STPG2: variants seen among roughly 807,000 people sequenced by gnomAD.
STPG2 encodes the protein sperm-tail PG-rich repeat-containing protein 2.
A neutral mutation model predicts 54.2 loss-of-function variants in STPG2; 56 were observed. The observed-to-expected ratio is 1.03, with a 90% CI of 0.83 to 1.29. The LOEUF is 1.29. Among genes scored for constraint, STPG2 ranks in the 50% most tolerant of loss-of-function variants. The pLI is 0.00. For synonymous variants in STPG2, 200 were observed against 181.8 expected (o/e 1.10, Z -0.81); for missense variants, 596 against 544.9 (o/e 1.09, Z -0.93).
intron 5 of STPG2, among the ~76,000 whole-genome samples, chr4:98,019,483 T>A (rs1459928796): frequency 1.3e-5 from 2 of 152,022 alleles, no homozygotes; most frequent in African/African-American, 4.8e-5. Context: ...TGGCTTAGGA[T>A]TGACTTGGCG....
chr4:97,896,799 GAT>G (rs1206214251), intron 8 of STPG2, among the ~76,000 whole-genome samples: 3 of 151,700 alleles, frequency 2.0e-5, no homozygotes, highest in Non-Finnish European at 4.4e-5. Context: ...TACAAAAAAA[GAT>G]ATTTTCACAG....
At chr4:97,736,872 G>A (rs904922211) in intron 9 of STPG2, among the ~76,000 whole-genome samples, 9 of 152,020 alleles carry the variant, frequency 5.9e-5, no homozygotes, top group East Asian at 1.9e-4. Flanking sequence ...CTCCCAGCAC[G>A]CAGATGGAGA....
At chr4:97,576,278 A>G (rs1732720902) in intron 10 of STPG2, among the ~76,000 whole-genome samples, 3 of 146,004 alleles carry the variant, frequency 2.1e-5, no homozygotes, top group Admixed American at 6.8e-5. Flanking sequence ...TATATATGGA[A>G]TGAAAAAAAA....
chr4:97,462,362 A>G (rs1049234126), intron 4 of STPG2, among the ~76,000 whole-genome samples: 20 of 152,064 alleles, frequency 1.3e-4, no homozygotes, highest in African/African-American at 4.3e-4. Context: ...TTTCTTATTC[A>G]TAATTGCTCT....
At chr4:97,499,381 T>C (rs1225240236) in intron 4 of STPG2, among the ~76,000 whole-genome samples, 3 of 152,022 alleles carry the variant, frequency 2.0e-5, no homozygotes, top group African/African-American at 7.2e-5. Context: ...CCATTCTTAA[T>C]TGGAAAACTA....
At chr4:97,847,324 T>C (rs1012887149) in intron 8 of STPG2, among the ~76,000 whole-genome samples, 1 of 152,174 alleles carries the variant, frequency 6.6e-6, no homozygotes, top group Non-Finnish European at 1.5e-5. Flanking sequence ...ATTGTAAACA[T>C]ATGCCTCGTA....
intron 10 of STPG2, among the ~76,000 whole-genome samples, chr4:97,565,982 T>C (rs549381200): frequency 6.6e-6 from 1 of 152,316 alleles, no homozygotes; most frequent in Non-Finnish European, 1.5e-5. Flanking sequence ...GACAGGGACA[T>C]TTAAGTCTGC....
At chr4:97,565,336 G>A (rs562274761) in intron 10 of STPG2, among the ~76,000 whole-genome samples, 35 of 152,032 alleles carry the variant, frequency 2.3e-4, no homozygotes, top group South Asian at 4.2e-4. Context: ...TACATTCATC[G>A]AAATTTTTTT....
intron 10 of STPG2, among the ~76,000 whole-genome samples, chr4:97,610,486 T>C (rs1424965658): frequency 6.6e-6 from 1 of 151,904 alleles, no homozygotes; most frequent in Non-Finnish European, 1.5e-5. Flanking sequence ...AACAAATTAC[T>C]AGAAAGAAGC....
chr4:97,848,918 T>A (rs1235698469), intron 8 of STPG2, among the ~76,000 whole-genome samples: 1 of 150,564 alleles, frequency 6.6e-6, no homozygotes, highest in Non-Finnish European at 1.5e-5. Context: ...TAGTATAGCT[T>A]GAAGTCAGGT....
chr4:97,803,520 C>A (rs187413047), intron 9 of STPG2, among the ~76,000 whole-genome samples: 1 of 152,174 alleles, frequency 6.6e-6, no homozygotes, highest in East Asian at 1.9e-4. Flanking sequence ...AATGGCTTTG[C>A]CATCTTCTAC....
chr4:97,726,233 G>T (rs1056196528), intron 9 of STPG2, among the ~76,000 whole-genome samples: 1 of 151,998 alleles, frequency 6.6e-6, no homozygotes, highest in African/African-American at 2.4e-5. Flanking sequence ...ACTCATATGA[G>T]GTGGCTAAAG....
intron 8 of STPG2, among the ~76,000 whole-genome samples, chr4:97,919,730 A>G (rs1301260860): frequency 6.6e-6 from 1 of 152,196 alleles, no homozygotes; most frequent in Non-Finnish European, 1.5e-5. Context: ...TCTTATAAAT[A>G]TTTAAGAAAG....
chr4:97,720,985 C>A (rs1039275544), intron 9 of STPG2, among the ~76,000 whole-genome samples: 1 of 151,826 alleles, frequency 6.6e-6, no homozygotes, highest in African/African-American at 2.4e-5. Flanking sequence ...CAATCTTCTC[C>A]CTCATATTTT....
At chr4:97,667,025 C>T (rs1262488160) in intron 10 of STPG2, among the ~76,000 whole-genome samples, 3 of 152,320 alleles carry the variant, frequency 2.0e-5, no homozygotes, top group Admixed American at 1.3e-4. Flanking sequence ...CATCCCACTT[C>T]TTGCCCTCAA....
At chr4:97,931,812 A>T (rs551483916) in intron 8 of STPG2, among the ~76,000 whole-genome samples, 21 of 152,042 alleles carry the variant, frequency 1.4e-4, no homozygotes, top group Non-Finnish European at 3.1e-4. Flanking sequence ...TTTCTGTAGA[A>T]ACTGTACCAG....
At chr4:97,629,301 A>G (rs1721172082) in intron 10 of STPG2, among the ~76,000 whole-genome samples, 1 of 152,028 alleles carries the variant, frequency 6.6e-6, no homozygotes, top group Non-Finnish European at 1.5e-5. Context: ...AACTGCTGAG[A>G]AAAAAAGCAT....
intron 8 of STPG2, among the ~76,000 whole-genome samples, chr4:97,903,601 G>A (rs912504401): frequency 1.3e-5 from 2 of 152,144 alleles, no homozygotes; most frequent in Admixed American, 1.3e-4. Flanking sequence ...AAAAAAGAGG[G>A]GAAGGAGCCA....
chr4:97,618,053 T>A (rs1374876585), intron 10 of STPG2, among the ~76,000 whole-genome samples: 2 of 152,182 alleles, frequency 1.3e-5, no homozygotes, highest in Non-Finnish European at 2.9e-5. Context: ...CAACATGCTC[T>A]TCTGCAATAT....
Sources: allele counts gnomAD v4.1 joint callset (sites outside exome capture counted in the v4.1 genomes callset), GRCh38; gene constraint gnomAD v4.1.1; transcripts MANE v1.5; gene names NCBI Gene and HGNC (gene_info 2026-07-23, HGNC 2026-07-21).